Variants in SLC35D2 observed in about 807,000 individuals in gnomAD.
SLC35D2 encodes the protein nucleotide sugar transporter SLC35D2.
Under a neutral mutation model 41.8 loss-of-function variants are expected in SLC35D2, and 43 were observed. The ratio of observed to expected loss-of-function variants is 1.03; its 90% CI spans 0.81 to 1.33. SLC35D2 has a LOEUF of 1.33. Ranked by LOEUF, SLC35D2 falls within the 40% of genes most tolerant of loss-of-function variation. The pLI is 0.00. For synonymous variants in SLC35D2, 150 were observed against 163.9 expected (o/e 0.92, Z 0.65); for missense variants, 380 against 408.4 (o/e 0.93, Z 0.60).
intron 7 of SLC35D2, among the ~76,000 whole-genome samples, chr9:96,344,589 A>G (rs1829488991): frequency 6.9e-6 from 1 of 143,900 alleles, no homozygotes; most frequent in African/African-American, 2.6e-5. Flanking sequence ...AAAAGAGCAG[A>G]TTAAAAAAAA....
intron 4 of SLC35D2, among the ~76,000 whole-genome samples, chr9:96,354,441 A>G (rs1378371652): frequency 1.3e-5 from 2 of 152,134 alleles, no homozygotes; most frequent in African/African-American, 2.4e-5. Flanking sequence ...ACAAAAGTCA[A>G]CTCTGAATAT....
chr9:96,346,164 G>A (rs1053477305), intron 6 of SLC35D2, among the ~76,000 whole-genome samples: 8 of 152,156 alleles, frequency 5.3e-5, no homozygotes, highest in Non-Finnish European at 1.5e-5. Context: ...GTGTCTGGGG[G>A]CCTGCTAATT....
chr9:96,383,425 C>T, intron 1 of SLC35D2, 52 bp downstream of exon 1: 8 of 1,442,484 alleles, frequency 5.5e-6, no homozygotes, highest in Non-Finnish European at 6.5e-6. Context: ...GCACGGAGGA[C>T]AGGGGCAGCC....
chr9:96,334,997 T>C (rs772854494), intron 9 of SLC35D2, among the ~76,000 whole-genome samples: 6 of 152,340 alleles, frequency 3.9e-5, no homozygotes, highest in Non-Finnish European at 7.4e-5. Flanking sequence ...GAATGGAAGA[T>C]AGACAGAAAT....
chr9:96,378,933 G>C (rs1831070298), intron 1 of SLC35D2, among the ~76,000 whole-genome samples: 1 of 151,090 alleles, frequency 6.6e-6, no homozygotes, highest in Admixed American at 6.6e-5. Flanking sequence ...AGTCTCAAAA[G>C]AAAGAAGAGA....
At chr9:96,374,035 T>C (rs886273878) in intron 1 of SLC35D2, 2 of 152,222 alleles carry the variant, frequency 1.3e-5, no homozygotes, top group African/African-American at 4.8e-5. Context: ...GTACTGTGTG[T>C]GCCCTGTTCA....
At chr9:96,342,338 C>T (rs1408392527) in intron 8 of SLC35D2, among the ~76,000 whole-genome samples, 4 of 152,094 alleles carry the variant, frequency 2.6e-5, no homozygotes, top group African/African-American at 9.7e-5. Flanking sequence ...TCACGTTGGC[C>T]AGGCTGGTCT....
Position 96,342,529 on chromosome 9 carries a change from T to C in SLC35D2, c.684+1375A>G, listed in dbSNP as rs546237046. Among the ~76,000 whole-genome samples, 99 of 152,332 alleles carry C rather than the reference T, an allele frequency of 6.5e-4. 1 individual carries two copies. The highest frequency in any genetic ancestry group is 1.2e-3 in the Non-Finnish European group (82 of 68,020). On this transcript the variant is annotated intron_variant, in intron 8 of 11. Coordinates refer to ENST00000253270, the MANE Select transcript of SLC35D2 (RefSeq NM_007001.3). ...ACAAATACTGTGTTTTCAGGTATCA[T>C]GCCCTGCTCATTCTTACTAGAGAGG...
chr9:96,377,174 C>T (rs76150127), intron 1 of SLC35D2, among the ~76,000 whole-genome samples: 3,834 of 151,886 alleles, frequency 0.025, 69 homozygotes, highest in Middle Eastern at 0.054. Flanking sequence ...CAGGGGAGAT[C>T]TCGGAGAGGT....
intron 1 of SLC35D2, among the ~76,000 whole-genome samples, chr9:96,383,234 AG>A (rs1181872519): frequency 6.6e-6 from 1 of 152,208 alleles, no homozygotes; most frequent in Non-Finnish European, 1.5e-5. Flanking sequence ...CAGCCCACCT[AG>A]GACAGGGCGC....
intron 11 of SLC35D2, among the ~76,000 whole-genome samples, chr9:96,315,322 G>C (rs1425088016): frequency 6.6e-6 from 1 of 152,080 alleles, no homozygotes; most frequent in Non-Finnish European, 1.5e-5. Flanking sequence ...TGGTCTCACT[G>C]TGTTGCCCAG....
In SLC35D2 at chr9:96,360,565, G is replaced by C. The variant is rs1830222703; in HGVS notation, c.280-344C>G. On this transcript the variant is annotated intron_variant, in intron 3 of 11. Coordinates refer to ENST00000253270, the MANE Select transcript of SLC35D2 (RefSeq NM_007001.3). Reference sequence around the variant, plus strand: ...AATCACTTGAACCCGGCGGGCAGAGGTTGCAGTGAGCCAAAACTGCACCAC... The same window carrying C: ...AATCACTTGAACCCGGCGGGCAGAGCTTGCAGTGAGCCAAAACTGCACCAC... 2.3e-5 allele frequency among the ~76,000 whole-genome samples: 3 copies of C among 132,794 alleles called. No individual in the cohort carries two copies. In the South Asian group the frequency reaches 8.0e-4, roughly 35 times the overall value. 87.1% of individuals were successfully genotyped at this position (132,794 alleles called of 152,430 possible).
intron 8 of SLC35D2, among the ~76,000 whole-genome samples, chr9:96,342,455 A>T (rs1038996974): frequency 6.6e-6 from 1 of 152,084 alleles, no homozygotes; most frequent in African/African-American, 2.4e-5. Flanking sequence ...TGTTTTGTGT[A>T]ATGTTGGAGC....
intron 1 of SLC35D2, among the ~76,000 whole-genome samples, chr9:96,380,463 C>T (rs921656081): frequency 7.2e-4 from 103 of 143,308 alleles, no homozygotes; most frequent in African/African-American, 2.6e-3. Context: ...GGTATTTTTT[C>T]TTTTTTTTTT....
chr9:96,338,307 C>A (rs538481307), intron 8 of SLC35D2, among the ~76,000 whole-genome samples: 18 of 152,160 alleles, frequency 1.2e-4, no homozygotes, highest in Non-Finnish European at 2.4e-4. Flanking sequence ...GTAGAATTCT[C>A]TTCTCCAATC....
chr9:96,331,663 T>A (rs10990558), intron 9 of SLC35D2, among the ~76,000 whole-genome samples: 6 of 152,018 alleles, frequency 3.9e-5, no homozygotes, highest in African/African-American at 1.5e-4. Context: ...TCTAAATAGA[T>A]TGAGACCTGT....
intron 10 of SLC35D2, among the ~76,000 whole-genome samples, chr9:96,322,717 G>T (rs1253701428): frequency 6.1e-4 from 68 of 111,422 alleles, no homozygotes; most frequent in Admixed American, 1.4e-3. Context: ...GTTTTCTGGG[G>T]TTTTTTTTTT....
At chr9:96,372,619 CTG>C (rs1830754249) in intron 1 of SLC35D2, among the ~76,000 whole-genome samples, 1 of 109,270 alleles carries the variant, frequency 9.2e-6, no homozygotes, top group Non-Finnish European at 1.7e-5. Context: ...GAATCTCACT[CTG>C]TTGCCCAGGC....
At position 96,352,048 on chromosome 9, in the gene SLC35D2, T is replaced by C. The variant is rs1420526227; in HGVS notation, c.409A>G (p.Ile137Val). 6.2e-7 allele frequency: 1 copy of C among 1,610,608 alleles called. No homozygotes were observed. Among genetic ancestry groups the C allele is most frequent in the Non-Finnish European group, 8.5e-7 (1 of 1,177,462 alleles). The change falls in exon 5 of 12, where the codon ATC becomes GTC. Residue 137 changes from isoleucine (I) to valine (V), a missense_variant. By Grantham distance (29) the Ile-to-Val change is conservative. Coordinates refer to ENST00000253270, the MANE Select transcript of SLC35D2 (RefSeq NM_007001.3). ...GAAAAACAAAATCACCCAAGTATGA[T>C]GGTTTCCAGAAGTAAGGTAAGTGGA... ...TIPLTLLLET[I>V]ILGKQYSLNI...
Sources: gnomAD v4.1 joint callset for allele counts (sites outside exome capture counted in the v4.1 genomes callset) on GRCh38, gnomAD v4.1.1 for gene constraint, MANE v1.5 for transcripts, NCBI Gene and HGNC (gene_info 2026-07-23, HGNC 2026-07-21) for gene names.